The following ZNF143 variants were observed in gnomAD, a reference collection of about 807,000 sequenced individuals.
ZNF143 encodes zinc finger protein 143.
ZNF143 carries 49 observed loss-of-function variants against 74.1 expected under a neutral mutation model. The ratio of observed to expected loss-of-function variants is 0.66; its 90% confidence interval spans 0.53 to 0.84. The LOEUF (loss-of-function observed/expected upper bound fraction) is 0.84, where lower values mean the gene tolerates loss of function less well. ZNF143 is among the 40% of genes least tolerant of loss of function. The pLI, the probability that ZNF143 is intolerant of heterozygous loss-of-function variation, is 0.00. For synonymous variants in ZNF143, 304 were observed against 282.8 expected (o/e 1.07, Z -0.75); for missense variants, 637 against 793.4 (o/e 0.80, Z 2.37).
chr11:9,525,474 A>C (rs781136948), intron 15 of ZNF143, 88 bp downstream of exon 15: 2 of 1,533,616 alleles, frequency 1.3e-6, no homozygotes, highest in African/African-American at 2.7e-5. Flanking sequence ...TATAACCTTT[A>C]CAGGAGGCAA....
At chr11:9,513,183 C>T (rs541457861) in intron 13 of ZNF143, among the ~76,000 whole-genome samples, 1 of 152,316 alleles carries the variant, frequency 6.6e-6, no homozygotes, top group South Asian at 2.1e-4. Flanking sequence ...CAAAGACTGT[C>T]TTAATACCTG....
intron 1 of ZNF143, among the ~76,000 whole-genome samples, chr11:9,464,495 G>A (rs545670865): frequency 2.6e-4 from 39 of 152,174 alleles, no homozygotes; most frequent in African/African-American, 8.7e-4. Context: ...CAGCTACTCG[G>A]GAGGCTGAGG....
intron 15 of ZNF143, 56 bp from the exon 16 acceptor site, chr11:9,527,474 T>A (rs1036191237): frequency 1.2e-5 from 18 of 1,546,680 alleles, no homozygotes; most frequent in Non-Finnish European, 1.6e-5. Context: ...TCTTTGGCAT[T>A]TTCTTGACTG....
At chr11:9,519,300 C>T (rs543175339) in intron 14 of ZNF143, among the ~76,000 whole-genome samples, 42 of 151,896 alleles carry the variant, frequency 2.8e-4, no homozygotes, top group Non-Finnish European at 5.1e-4. Context: ...CAACCTCCCG[C>T]GCCTGGCTAA....
chr11:9,474,620 C>T lies in ZNF143; in HGVS notation c.360C>T (p.His120=). 6.2e-7 allele frequency: 1 copy of T among 1,614,000 alleles called. No homozygotes were observed. The highest frequency in any genetic ancestry group is 8.5e-7 in the Non-Finnish European group (1 of 1,179,944). Residue 120 remains histidine, a synonymous_variant, in exon 5 of 16, where the codon CAC becomes CAT. Coordinates refer to ENST00000396602, the MANE Select transcript of ZNF143 (RefSeq NM_003442.6). The stretch of plus-strand genomic sequence containing the variant: ...AAGATGGTACCACAGCATTTATTCA[C>T]CACACCTCCAAAGGTAAAATAACTT... ...QLEDGTTAFI[H]HTSKDSYDQS...
intron 10 of ZNF143, among the ~76,000 whole-genome samples, chr11:9,498,589 C>A (rs547517501): frequency 6.6e-6 from 1 of 152,204 alleles, no homozygotes; most frequent in Non-Finnish European, 1.5e-5. Flanking sequence ...ATTCTTACCT[C>A]CCCGACCATC....
chr11:9,525,498 C>T (rs1184107311), intron 15 of ZNF143, 112 bp downstream of exon 15: 1 of 1,367,876 alleles, frequency 7.3e-7, no homozygotes, highest in Non-Finnish European at 1.0e-6. Flanking sequence ...GTAGAATAAT[C>T]TCTATCACCT....
In ZNF143 at chr11:9,463,013, A is replaced by T. The variant is rs557408634; in HGVS notation, c.-8+1937A>T. On this transcript the variant is annotated intron_variant, in intron 1 of 15. Coordinates refer to ENST00000396602, the MANE Select transcript of ZNF143 (RefSeq NM_003442.6). ...TCCTCTCAGTTGTCCCCTCCACCCC[A>T]CTACTAGTTTGCATGTTTGCTATTC... 7.2e-5 allele frequency among the ~76,000 whole-genome samples: 11 copies of T among 152,310 alleles called. No individual in the cohort carries two copies. In the South Asian group the frequency reaches 2.3e-3, roughly 32 times the overall value.
chr11:9,486,388 A>AAATATAT (rs1847501234), intron 7 of ZNF143, among the ~76,000 whole-genome samples: 2 of 18,460 alleles, frequency 1.1e-4, no homozygotes, highest in Non-Finnish European at 2.1e-4. Flanking sequence ...TATATATATA[A>AAATATAT]TATATATAAT....
chr11:9,513,531 A>G (rs1848623771), intron 13 of ZNF143, among the ~76,000 whole-genome samples: 1 of 152,242 alleles, frequency 6.6e-6, no homozygotes, highest in African/African-American at 2.4e-5. Flanking sequence ...CTATACAGGA[A>G]AAATTCCCAC....
intron 1 of ZNF143, among the ~76,000 whole-genome samples, chr11:9,462,806 C>T (rs1438115674): frequency 2.6e-5 from 4 of 152,010 alleles, no homozygotes; most frequent in South Asian, 2.1e-4. Flanking sequence ...ACCCAGGAGG[C>T]GGAGGTTGCA....
chr11:9,486,615 G>A (rs1017592086), intron 7 of ZNF143, among the ~76,000 whole-genome samples: 6 of 143,256 alleles, frequency 4.2e-5, no homozygotes, highest in African/African-American at 1.6e-4. Context: ...TGCGAAAGAC[G>A]TTTGACTCCT....
At chr11:9,477,171 C>CTTCCT (rs1454315639) in intron 5 of ZNF143, among the ~76,000 whole-genome samples, 1 of 132,656 alleles carries the variant, frequency 7.5e-6, no homozygotes, top group Non-Finnish European at 1.6e-5. Flanking sequence ...TCCTTCCTTC[C>CTTCCT]TCCTCTCCCT....
chr11:9,517,709 G>C (rs1219100209), intron 14 of ZNF143, among the ~76,000 whole-genome samples: 1 of 152,126 alleles, frequency 6.6e-6, no homozygotes. Context: ...AAAGGCCAAT[G>C]TTGAGTCTCA....
intron 1 of ZNF143, among the ~76,000 whole-genome samples, chr11:9,465,666 A>ATT (rs147781124): frequency 6.3e-4 from 81 of 129,402 alleles, no homozygotes; most frequent in African/African-American, 1.5e-3. Flanking sequence ...CGCCTGGCTA[A>ATT]TTTTTTTTTT....
chr11:9,479,667 C>T, intron 7 of ZNF143, 121 bp downstream of exon 7: 1 of 724,542 alleles, frequency 1.4e-6, no homozygotes, highest in Non-Finnish European at 2.2e-6. Context: ...TTCAGAAAAA[C>T]AATGTATGTA....
At chr11:9,472,914 C>A (rs948001652) in intron 3 of ZNF143, 145 bp downstream of exon 3, 12 of 323,036 alleles carry the variant, frequency 3.7e-5, no homozygotes, top group Non-Finnish European at 6.0e-5. Flanking sequence ...CAGTTTAATT[C>A]TTTTTTTTTT....
intron 14 of ZNF143, among the ~76,000 whole-genome samples, chr11:9,523,075 T>C (rs1848995160): frequency 1.3e-5 from 2 of 152,168 alleles, no homozygotes; most frequent in South Asian, 2.1e-4. Context: ...GGCTAAGCAA[T>C]TGTAATTTTT....
At chr11:9,497,322 A>G (rs913644496) in intron 9 of ZNF143, among the ~76,000 whole-genome samples, 1 of 152,018 alleles carries the variant, frequency 6.6e-6, no homozygotes, top group Non-Finnish European at 1.5e-5. Context: ...CCTCTGCTTC[A>G]GGGTTCAAGC....
Sources: allele counts gnomAD v4.1 joint callset (sites outside exome capture counted in the v4.1 genomes callset), GRCh38; gene constraint gnomAD v4.1.1; transcripts MANE v1.5; gene names NCBI Gene and HGNC (gene_info 2026-07-23, HGNC 2026-07-21).